Variants in AKT3 observed in about 807,000 individuals in gnomAD.
The protein encoded by AKT3 is RAC-gamma serine/threonine-protein kinase.
Under a neutral mutation model 65.3 loss-of-function variants are expected in AKT3, and 15 were observed. The observed-to-expected ratio is 0.23, with a 90% CI of 0.15 to 0.35. The LOEUF is 0.35. Among genes scored for constraint, AKT3 ranks in the 10% least tolerant of loss-of-function variants. The probability of loss-of-function intolerance (pLI) is 1.00; values close to 1 mark genes in which losing one functional copy is unlikely to be tolerated. For missense variants in AKT3, 243 were observed against 576.5 expected (o/e 0.42, Z 5.92); for synonymous variants, 206 against 183.8 (o/e 1.12, Z -0.98).
intron 3 of AKT3, among the ~76,000 whole-genome samples, chr1:243,683,836 A>G (rs1004819791): frequency 2.0e-5 from 3 of 152,202 alleles, no homozygotes; most frequent in Non-Finnish European, 4.4e-5. Flanking sequence ...TAAAGCAGTA[A>G]TCTAGGAAGC....
At chr1:243,755,586 C>T (rs1370634017) in intron 2 of AKT3, among the ~76,000 whole-genome samples, 1 of 152,124 alleles carries the variant, frequency 6.6e-6, no homozygotes, top group Non-Finnish European at 1.5e-5. Context: ...CTCTATGTTA[C>T]AGAATTATAA....
chr1:243,550,789 C>CAAAAAAAAAAA (rs60834632), intron 11 of AKT3, among the ~76,000 whole-genome samples: 6 of 33,690 alleles, frequency 1.8e-4, no homozygotes, highest in Admixed American at 5.6e-4. Flanking sequence ...ACTAAAATAC[C>CAAAAAAAAAAA]AAAAAAAAAA....
intron 2 of AKT3, among the ~76,000 whole-genome samples, chr1:243,777,204 C>T (rs1690610013): frequency 6.6e-6 from 1 of 152,178 alleles, no homozygotes; most frequent in African/African-American, 2.4e-5. Flanking sequence ...AAGTGCATTA[C>T]ATTTATCATT....
At chr1:243,518,929 T>A (rs544607287) in intron 12 of AKT3, among the ~76,000 whole-genome samples, 1 of 152,204 alleles carries the variant, frequency 6.6e-6, no homozygotes, top group African/African-American at 2.4e-5. Context: ...AATTCTAAAA[T>A]TGAAGCAAGA....
At chr1:243,674,412 T>C (rs948251723) in intron 3 of AKT3, among the ~76,000 whole-genome samples, 12 of 152,130 alleles carry the variant, frequency 7.9e-5, no homozygotes, top group African/African-American at 2.9e-4. Context: ...CATAACGCAA[T>C]ATGAAGTACA....
chr1:243,808,673 C>A (rs1322247417), intron 2 of AKT3, among the ~76,000 whole-genome samples: 1 of 152,050 alleles, frequency 6.6e-6, no homozygotes, highest in Non-Finnish European at 1.5e-5. Context: ...TCAGGAAATA[C>A]AGAAAACGCC....
At chr1:243,767,651 T>C (rs924391226) in intron 2 of AKT3, among the ~76,000 whole-genome samples, 118 of 152,122 alleles carry the variant, frequency 7.8e-4, no homozygotes, top group African/African-American at 2.7e-3. Context: ...AGATAAAAAA[T>C]TTACATATGA....
chr1:243,559,677 G>A (rs1466146144), intron 10 of AKT3, among the ~76,000 whole-genome samples: 4 of 152,062 alleles, frequency 2.6e-5, no homozygotes, highest in East Asian at 1.9e-4. Context: ...CGTAAAAGGC[G>A]AAGGAACACT....
intron 13 of AKT3, among the ~76,000 whole-genome samples, chr1:243,491,124 C>A (rs1254647978): frequency 6.6e-6 from 1 of 152,234 alleles, no homozygotes; most frequent in Non-Finnish European, 1.5e-5. Flanking sequence ...ATCAGGAGAA[C>A]GTGGGCTTTG....
chr1:243,637,358 C>T (rs1680047922), intron 6 of AKT3, among the ~76,000 whole-genome samples: 1 of 151,858 alleles, frequency 6.6e-6, no homozygotes. Flanking sequence ...AAACATTCTC[C>T]CAAACATGCA....
At chr1:243,505,368 C>G in intron 13 of AKT3, 34 bp from the exon 14 acceptor site, 1 of 1,591,078 alleles carries the variant, frequency 6.3e-7, no homozygotes, top group Non-Finnish European at 8.6e-7. Flanking sequence ...TAATTTTACA[C>G]ATTCATTTTT....
intron 3 of AKT3, among the ~76,000 whole-genome samples, chr1:243,671,865 CA>C (rs529809893): frequency 8.9e-4 from 135 of 152,238 alleles, no homozygotes; most frequent in Middle Eastern, 6.8e-3. Flanking sequence ...GGATTTATTC[CA>C]AGTCTATCTC....
chr1:243,648,393 G>A (rs1681011491), intron 4 of AKT3, among the ~76,000 whole-genome samples: 1 of 152,078 alleles, frequency 6.6e-6, no homozygotes, highest in Admixed American at 6.6e-5. Flanking sequence ...GTTTCCAGAT[G>A]TTAACACAAC....
At chr1:243,653,161 G>T (rs887493229) in intron 4 of AKT3, among the ~76,000 whole-genome samples, 1 of 152,252 alleles carries the variant, frequency 6.6e-6, no homozygotes, top group African/African-American at 2.4e-5. Flanking sequence ...TGATAAAGGG[G>T]ATATCACCGT....
intron 2 of AKT3, among the ~76,000 whole-genome samples, chr1:243,766,231 A>G (rs1159576923): frequency 6.6e-6 from 1 of 152,174 alleles, no homozygotes; most frequent in Non-Finnish European, 1.5e-5. Flanking sequence ...CACTGCTCTC[A>G]ACTGGTGAGG....
At chr1:243,650,185 A>G (rs1033836474) in intron 4 of AKT3, among the ~76,000 whole-genome samples, 119 of 152,256 alleles carry the variant, frequency 7.8e-4, no homozygotes, top group Non-Finnish European at 1.4e-3. Context: ...ATTTTTTCAT[A>G]CATTTGTTGG....
chr1:243,745,668 G>A (rs886124488), intron 2 of AKT3, among the ~76,000 whole-genome samples: 1 of 152,240 alleles, frequency 6.6e-6, no homozygotes, highest in Non-Finnish European at 1.5e-5. Flanking sequence ...CAATTCACGA[G>A]CTTAAAACAT....
intron 10 of AKT3, among the ~76,000 whole-genome samples, chr1:243,562,226 G>A (rs1325425051): frequency 2.6e-5 from 4 of 152,172 alleles, no homozygotes; most frequent in African/African-American, 4.8e-5. Flanking sequence ...GCCAGTCACA[G>A]AAGACTCCAT....
intron 8 of AKT3, among the ~76,000 whole-genome samples, chr1:243,581,478 A>C (rs2148525537): frequency 6.6e-6 from 1 of 152,300 alleles, no homozygotes; most frequent in South Asian, 2.1e-4. Flanking sequence ...TAAAGAAACA[A>C]AGTCAAAGAC....
Sources: allele counts gnomAD v4.1 joint callset (sites outside exome capture counted in the v4.1 genomes callset), GRCh38; gene constraint gnomAD v4.1.1; transcripts MANE v1.5; gene names NCBI Gene and HGNC (gene_info 2026-07-23, HGNC 2026-07-21).